The following DENND5B variants were observed in gnomAD, a reference collection of about 807,000 sequenced individuals.
DENND5B encodes the protein DENN domain-containing protein 5B.
Under a neutral mutation model 140.6 loss-of-function variants are expected in DENND5B, and 34 were observed. The observed-to-expected ratio is 0.24, with a 90% CI of 0.18 to 0.32. The LOEUF is 0.32. Ranked by LOEUF, DENND5B falls within the 10% of genes least tolerant of loss-of-function variation. DENND5B has a pLI of 1.00. For missense variants in DENND5B, 1,142 were observed against 1,560.2 expected, an observed-to-expected ratio of 0.73 and a Z score of 4.52; for synonymous variants, 551 against 562.1, an observed-to-expected ratio of 0.98 and a Z score of 0.28.
chr12:31,415,875 C>G (rs793160), intron 11 of DENND5B, among the ~76,000 whole-genome samples: 144,162 of 152,054 alleles, frequency 0.95, 68,556 homozygotes, highest in East Asian at 0.99. Flanking sequence ...CGCTCTTGTT[C>G]TCTAGGCTGG....
intron 1 of DENND5B, among the ~76,000 whole-genome samples, chr12:31,575,456 C>T (rs1949977912): frequency 6.6e-6 from 1 of 152,086 alleles, no homozygotes; most frequent in Non-Finnish European, 1.5e-5. Flanking sequence ...CATCTCTGCC[C>T]AAAGGAAACA....
At chr12:31,538,305 T>C (rs1948571967) in intron 1 of DENND5B, among the ~76,000 whole-genome samples, 1 of 152,030 alleles carries the variant, frequency 6.6e-6, no homozygotes, top group African/African-American at 2.4e-5. Context: ...ACTGAAATAA[T>C]ATAAAGCATC....
chr12:31,392,536 C>G (rs1222680118), intron 18 of DENND5B, 78 bp downstream of exon 18: 5 of 1,518,736 alleles, frequency 3.3e-6, no homozygotes, highest in Non-Finnish European at 4.4e-6. Context: ...AATTCAAGCA[C>G]CCCATATTGC....
intron 1 of DENND5B, among the ~76,000 whole-genome samples, chr12:31,559,635 C>T (rs1170832942): frequency 6.6e-6 from 1 of 151,942 alleles, no homozygotes; most frequent in Admixed American, 6.6e-5. Context: ...AAGAATCTGA[C>T]AGCACTTATT....
intron 1 of DENND5B, among the ~76,000 whole-genome samples, chr12:31,502,311 T>G (rs1212408470): frequency 1.3e-5 from 2 of 151,704 alleles, no homozygotes; most frequent in African/African-American, 4.8e-5. Flanking sequence ...CAAAGCTGTC[T>G]CAAAAACAAA....
chr12:31,469,349 G>A (rs200055267), intron 3 of DENND5B, among the ~76,000 whole-genome samples: 15 of 66,024 alleles, frequency 2.3e-4, no homozygotes, highest in East Asian at 1.8e-3. Context: ...AAAAAAAAAA[G>A]AAGAAGAAGA....
intron 1 of DENND5B, among the ~76,000 whole-genome samples, chr12:31,556,653 T>C (rs1337947438): frequency 6.6e-6 from 1 of 152,190 alleles, no homozygotes; most frequent in Non-Finnish European, 1.5e-5. Flanking sequence ...CCTATCTCTA[T>C]TCTACTTTAA....
At chr12:31,428,243 G>A (rs1321781685) in intron 8 of DENND5B, among the ~76,000 whole-genome samples, 1 of 151,200 alleles carries the variant, frequency 6.6e-6, no homozygotes, top group Non-Finnish European at 1.5e-5. Context: ...TCGGGAGGCT[G>A]AGGCAGGAGA....
At chr12:31,441,134 G>T (rs1453511437) in intron 7 of DENND5B, among the ~76,000 whole-genome samples, 4 of 152,094 alleles carry the variant, frequency 2.6e-5, no homozygotes, top group Non-Finnish European at 5.9e-5. Flanking sequence ...CTTGAGCCCA[G>T]AAGTTCAACA....
intron 1 of DENND5B, among the ~76,000 whole-genome samples, chr12:31,585,991 C>T (rs1950381556): frequency 6.6e-6 from 1 of 152,192 alleles, no homozygotes; most frequent in Non-Finnish European, 1.5e-5. Flanking sequence ...TTATTAAACA[C>T]TGTGTACTGT....
intron 2 of DENND5B, among the ~76,000 whole-genome samples, chr12:31,494,161 TATCTATCTATCTATCTATCTATCCATCC>T (rs1361518651): frequency 0.011 from 770 of 71,768 alleles, 11 homozygotes; most frequent in African/African-American, 0.039. Flanking sequence ...TCTATCTATC[TATCTATCTATCTATCTATCTATCCATCC>T]ATCCATCCAT....
intron 1 of DENND5B, among the ~76,000 whole-genome samples, chr12:31,555,309 T>C (rs1445584475): frequency 6.6e-6 from 1 of 152,238 alleles, no homozygotes; most frequent in Non-Finnish European, 1.5e-5. Context: ...TGGAGTTTGC[T>C]GGAGGTCCAC....
intron 1 of DENND5B, among the ~76,000 whole-genome samples, chr12:31,505,918 T>G (rs1053388645): frequency 2.0e-5 from 3 of 152,168 alleles, no homozygotes; most frequent in Non-Finnish European, 4.4e-5. Flanking sequence ...TACTGCTGCC[T>G]GGACCTCCCA....
intron 3 of DENND5B, among the ~76,000 whole-genome samples, chr12:31,474,674 T>C (rs374728145): frequency 6.6e-6 from 1 of 152,172 alleles, no homozygotes; most frequent in Non-Finnish European, 1.5e-5. Flanking sequence ...ATTTATGGCA[T>C]AGCTTTATCA....
Position 31,550,591 on chromosome 12 carries a change from G to A in DENND5B, c.127+40115C>T, listed in dbSNP as rs146874919. 2.2e-3 allele frequency among the ~76,000 whole-genome samples: 330 copies of A among 151,974 alleles called. 3 individuals carry two copies. Among genetic ancestry groups the A allele is most frequent in the African/African-American group, 7.2e-3 (298 of 41,444 alleles). On this transcript the variant is annotated intron_variant, in intron 1 of 20. Coordinates refer to ENST00000389082, the MANE Select transcript of DENND5B (RefSeq NM_144973.4). ...TTGGGTATATAGCCAGTAATGGGATGTCTGGGTCAAATGGTATTTCTAGTT... is the reference window on the plus strand; with the variant it reads ...TTGGGTATATAGCCAGTAATGGGATATCTGGGTCAAATGGTATTTCTAGTT...
chr12:31,565,945 C>A (rs894471614), intron 1 of DENND5B, among the ~76,000 whole-genome samples: 36 of 151,224 alleles, frequency 2.4e-4, no homozygotes, highest in African/African-American at 8.3e-4. Context: ...AGTTTGAGAC[C>A]AGCCTGGGCA....
At chr12:31,447,869 A>C in intron 5 of DENND5B, 100 bp from the exon 6 acceptor site, 1 of 849,000 alleles carries the variant, frequency 1.2e-6, no homozygotes, top group East Asian at 2.7e-5. Context: ...TCCTTTTTTA[A>C]ATCTTATAAA....
chr12:31,480,851 T>G (rs1430103070), intron 2 of DENND5B, among the ~76,000 whole-genome samples: 1 of 152,190 alleles, frequency 6.6e-6, no homozygotes, highest in East Asian at 1.9e-4. Context: ...CTTTTTGATC[T>G]ACTAAAGCAG....
rs1946719944 is a variant in DENND5B at position 31,495,389 on chromosome 12, C to CTTTCTTTTTT, written c.237+420_237+421insAAAAAAGAAA. On this transcript the variant is annotated intron_variant, in intron 2 of 20. Transcript: ENST00000389082. ...GAGAGTATCACATTTCTTTTTTTTT[C>CTTTCTTTTTT]TTTTTTTGAGACAGAGTCTCGCTCT... Among the ~76,000 whole-genome samples the CTTTCTTTTTT allele has an allele frequency of 4.4e-5, 6 of 136,234 alleles. No individual in the cohort carries two copies. The South Asian group carries it at 9.1e-4, about 21-fold the overall frequency. 89.4% of individuals were successfully genotyped at this position (136,234 alleles called of 152,430 possible).
Sources: gnomAD v4.1 joint callset for allele counts (sites outside exome capture counted in the v4.1 genomes callset) on GRCh38, gnomAD v4.1.1 for gene constraint, MANE v1.5 for transcripts, NCBI Gene and HGNC (gene_info 2026-07-23, HGNC 2026-07-21) for gene names.